SLC27A2: variants seen among roughly 807,000 people sequenced by gnomAD.
The protein encoded by SLC27A2 is solute carrier family 27 member 2.
SLC27A2 carries 54 observed loss-of-function variants against 60.0 expected under a neutral mutation model. The observed-to-expected ratio is 0.90, with a 90% confidence interval of 0.72 to 1.13. The LOEUF is 1.13. SLC27A2 is among the 50% of genes most tolerant of loss of function. SLC27A2 has a pLI of 0.00. For synonymous variants in SLC27A2, 297 were observed against 297.6 expected, an observed-to-expected ratio of 1.00 and a Z score of 0.02; for missense variants, 739 against 777.6, an observed-to-expected ratio of 0.95 and a Z score of 0.59.
chr15:50,205,447 G>T (rs2045104682), intron 4 of SLC27A2, 84 bp downstream of exon 4: 1 of 1,363,108 alleles, frequency 7.3e-7, no homozygotes, highest in Non-Finnish European at 1.0e-6. Flanking sequence ...GGCTTCAACT[G>T]ATTTGCATAT....
At chr15:50,188,256 G>A (rs1331419355) in intron 1 of SLC27A2, among the ~76,000 whole-genome samples, 1 of 152,114 alleles carries the variant, frequency 6.6e-6, no homozygotes, top group Non-Finnish European at 1.5e-5. Context: ...CAGGCAAAAG[G>A]AGCACCAGAG....
chr15:50,228,884 G>A (rs1027685207), intron 7 of SLC27A2, 61 bp from the exon 8 acceptor site: 15 of 1,151,750 alleles, frequency 1.3e-5, no homozygotes, highest in African/African-American at 4.6e-5. Flanking sequence ...CCAGCTCTCC[G>A]ACATTGCAAC....
intron 1 of SLC27A2, among the ~76,000 whole-genome samples, chr15:50,191,566 G>C (rs1375679569): frequency 6.6e-6 from 1 of 152,116 alleles, no homozygotes; most frequent in Non-Finnish European, 1.5e-5. Context: ...ACAGTTCAAT[G>C]TCTCCCTCTA....
chr15:50,191,603 C>A (rs1337463990), intron 1 of SLC27A2, among the ~76,000 whole-genome samples: 1 of 152,184 alleles, frequency 6.6e-6, no homozygotes, highest in African/African-American at 2.4e-5. Flanking sequence ...TGCAGCCTCA[C>A]AGGTCCCATT....
intron 3 of SLC27A2, among the ~76,000 whole-genome samples, chr15:50,204,292 C>T (rs1209144597): frequency 6.6e-6 from 1 of 151,866 alleles, no homozygotes; most frequent in Non-Finnish European, 1.5e-5. Flanking sequence ...TGGCAAAACC[C>T]CATCCCTTCT....
At chr15:50,197,162 C>T (rs2045029821) in intron 1 of SLC27A2, among the ~76,000 whole-genome samples, 1 of 52,184 alleles carries the variant, frequency 1.9e-5, no homozygotes, top group African/African-American at 5.1e-5. Flanking sequence ...ATATTGGAAT[C>T]CTGTGATTTT....
intron 4 of SLC27A2, among the ~76,000 whole-genome samples, chr15:50,211,346 T>C (rs1025121451): frequency 1.3e-5 from 2 of 152,118 alleles, no homozygotes; most frequent in Admixed American, 1.3e-4. Context: ...CAGAGCCAGG[T>C]AGACTTGCTG....
At chr15:50,196,301 C>G (rs935493436) in intron 1 of SLC27A2, among the ~76,000 whole-genome samples, 1 of 150,872 alleles carries the variant, frequency 6.6e-6, no homozygotes, top group Non-Finnish European at 1.5e-5. Flanking sequence ...TTGTGCGTGA[C>G]CCAGTACCCA....
chr15:50,184,242 C>T (rs1189039208), intron 1 of SLC27A2, among the ~76,000 whole-genome samples: 1 of 151,950 alleles, frequency 6.6e-6, no homozygotes, highest in African/African-American at 2.4e-5. Flanking sequence ...ATCCACCCAC[C>T]TTGGCCTCGC....
Position 50,196,067 on chromosome 15 carries a change from A to AT in SLC27A2, c.479-1433_479-1432insT, listed in dbSNP as rs71424049. 4.5e-3 allele frequency among the ~76,000 whole-genome samples: 109 copies of AT among 24,098 alleles called. 9 individuals carry two copies. Among genetic ancestry groups the AT allele is most frequent in the Admixed American group, 7.4e-3 (12 of 1,622 alleles). The allele number at this position is 24,098 out of a possible 152,430, so 15.8% of individuals were successfully genotyped here. A position where few individuals can be genotyped will look rare whatever the true frequency, so the allele number is the denominator to read the frequency against. ...AGACTCTGTCTCAAAAAAAAAAAAA[A>AT]AAAAAAAAAAATATATATATATATA... is the stretch of plus-strand genomic sequence containing the variant. On this transcript the variant is annotated intron_variant, in intron 1 of 9. Coordinates refer to ENST00000267842, the MANE Select transcript of SLC27A2 (RefSeq NM_003645.4).
In SLC27A2 at chr15:50,233,896, C is replaced by T. The variant is rs778275777; in HGVS notation, c.1584C>T (p.Ser528=). ...PDHEGRIGMA[S]IKMKENHEFD... ...ATGAGGGTCGCATTGGCATGGCCTCCATCAAAATGAAAGAAAACCATGAAT... is the reference window on the plus strand; with the variant it reads ...ATGAGGGTCGCATTGGCATGGCCTCTATCAAAATGAAAGAAAACCATGAAT... Residue 528 remains serine, a synonymous_variant, in exon 9 of 10, where the codon TCC becomes TCT. Transcript: ENST00000267842. The T allele has an allele frequency of 3.1e-6, 5 of 1,613,762 alleles. No individual in the cohort carries two copies. The highest frequency in any genetic ancestry group is 4.2e-6 in the Non-Finnish European group (5 of 1,179,868).
intron 4 of SLC27A2, among the ~76,000 whole-genome samples, chr15:50,208,011 T>C (rs544864073): frequency 3.3e-4 from 50 of 150,828 alleles, no homozygotes; most frequent in Non-Finnish European, 6.8e-4. Flanking sequence ...CCTGGATCAA[T>C]GTAATCAGGA....
chr15:50,205,404 A>ATTTCAAAT (rs747814550), intron 4 of SLC27A2, 41 bp downstream of exon 4: 1 of 1,573,900 alleles, frequency 6.4e-7, no homozygotes, highest in Admixed American at 1.7e-5. Flanking sequence ...GAAATGGGTA[A>ATTTCAAAT]GATGGAAATT....
chr15:50,200,860 G>A (rs2045058305), intron 2 of SLC27A2, among the ~76,000 whole-genome samples: 1 of 152,186 alleles, frequency 6.6e-6, no homozygotes, highest in Middle Eastern at 3.2e-3. Flanking sequence ...GACTGGCAAA[G>A]GCCCCAACAT....
intron 4 of SLC27A2, 121 bp downstream of exon 4, chr15:50,205,484 A>T: frequency 9.8e-7 from 1 of 1,018,132 alleles, no homozygotes; most frequent in South Asian, 2.2e-5. Context: ...GGATACAATT[A>T]TCATGATAAA....
chr15:50,216,661 A>G, intron 4 of SLC27A2, among the ~76,000 whole-genome samples: 1 of 121,786 alleles, frequency 8.2e-6, no homozygotes, highest in Non-Finnish European at 1.7e-5. Context: ...TATATAGTAT[A>G]GTTTGAAGTG....
At chr15:50,230,255 A>T (rs1469087650) in intron 8 of SLC27A2, among the ~76,000 whole-genome samples, 3 of 150,170 alleles carry the variant, frequency 2.0e-5, no homozygotes, top group Non-Finnish European at 3.0e-5. Context: ...AAAAAAAAAA[A>T]ATTAAGTCCG....
Position 50,223,100 on chromosome 15 carries a change from G to A in SLC27A2, c.1108G>A (p.Gly370Arg). 6.2e-7 allele frequency: 1 copy of A among 1,613,770 alleles called. No individual in the cohort carries two copies. ...EFYAATEGNI[G>R]FMNYARKVGA... ...CTATGCTGCCACTGAAGGCAATATTGGATTTATGAATTATGCGAGAAAAGT... is the reference window on the plus strand; with the variant it reads ...CTATGCTGCCACTGAAGGCAATATTAGATTTATGAATTATGCGAGAAAAGT... Residue 370 changes from glycine (G) to arginine (R), a missense_variant, in exon 5 of 10, where the codon GGA becomes AGA. Physicochemically the swap from Gly to Arg is moderately radical, Grantham distance 125 (BLOSUM62 -2). Transcript: ENST00000267842.
chr15:50,236,233 T>C lies in SLC27A2; in HGVS notation c.*137T>C, dbSNP rs2045351395. 1.7e-6 allele frequency: 1 copy of C among 590,750 alleles called. No homozygotes were observed. Among genetic ancestry groups the C allele is most frequent in the Non-Finnish European group, 2.8e-6 (1 of 361,054 alleles). 36.6% of individuals were successfully genotyped at this position (590,750 alleles called of 1,614,324 possible). A position where few individuals can be genotyped will look rare whatever the true frequency, so the allele number is the denominator to read the frequency against. On this transcript the variant is annotated 3_prime_UTR_variant, in exon 10 of 10. Transcript: ENST00000267842. ...TTGCATACCCGTAAAGGGAGACTTT[T>C]TTAAATAACAGTTGAGTCTTTGCAA...
Sources: gnomAD v4.1 joint callset for allele counts (sites outside exome capture counted in the v4.1 genomes callset) on GRCh38, gnomAD v4.1.1 for gene constraint, MANE v1.5 for transcripts, NCBI Gene and HGNC (gene_info 2026-07-23, HGNC 2026-07-21) for gene names.